The following SH2D4B variants were observed in gnomAD, a reference collection of about 807,000 sequenced individuals.
SH2D4B encodes the protein SH2 domain-containing protein 4B.
SH2D4B carries 45 observed loss-of-function variants against 61.5 expected under a neutral mutation model. The ratio of observed to expected loss-of-function variants is 0.73; its 90% CI spans 0.58 to 0.94. The LOEUF is 0.94. Ranked by LOEUF, SH2D4B falls within the 40% of genes least tolerant of loss-of-function variation. The pLI is 0.00. For missense variants in SH2D4B, 572 were observed against 574.2 expected (o/e 1.00, Z 0.04); for synonymous variants, 224 against 220.4 (o/e 1.02, Z -0.14).
At chr10:80,620,555 G>A (rs1445875461) in intron 6 of SH2D4B, among the ~76,000 whole-genome samples, 1 of 152,224 alleles carries the variant, frequency 6.6e-6, no homozygotes, top group Non-Finnish European at 1.5e-5. Context: ...GATGTGGGTT[G>A]TACCTGGGGA....
chr10:80,616,292 T>C (rs1275125291), intron 6 of SH2D4B, among the ~76,000 whole-genome samples: 1 of 152,220 alleles, frequency 6.6e-6, no homozygotes, highest in Non-Finnish European at 1.5e-5. Context: ...GGAAATTTTC[T>C]ACCAACTCTG....
In SH2D4B at chr10:80,609,412, C is replaced by G. The variant is rs752285695; in HGVS notation, c.861-12C>G. On this transcript the variant is annotated splice_polypyrimidine_tract_variant and intron_variant, in intron 5 of 7. Coordinates refer to ENST00000646907, the MANE Select transcript of SH2D4B (RefSeq NM_001388272.1). ...CTGACTCTTCTGCCCTCCCCACTTT[C>G]TTTCTCTTCAGCAGGACCTGGGAGC... is the stretch of plus-strand genomic sequence containing the variant. 1 of 1,609,126 alleles carries G rather than the reference C, an allele frequency of 6.2e-7. No individual in the cohort carries two copies. The highest frequency in any genetic ancestry group is 1.1e-5 in the South Asian group (1 of 90,890).
chr10:80,609,325 C>G (rs1842563385), intron 5 of SH2D4B, 99 bp from the exon 6 acceptor site: 1 of 1,290,892 alleles, frequency 7.7e-7, no homozygotes, highest in Non-Finnish European at 1.0e-6. Context: ...CTCCTTTTAC[C>G]TTCCTCTCCC....
intron 3 of SH2D4B, among the ~76,000 whole-genome samples, chr10:80,585,993 C>G (rs562768077): frequency 6.6e-6 from 1 of 152,156 alleles, no homozygotes; most frequent in Admixed American, 6.5e-5. Flanking sequence ...CCCGCCAGCC[C>G]GGGCAATGAG....
At position 80,603,689 on chromosome 10, in the gene SH2D4B, C is replaced by T. The variant is rs967276225; in HGVS notation, c.754C>T (p.Leu252Phe). ...RAIQKGTVAG[L>F]SSMFRELGQS... ...TATCCAGAAGGGCACGGTCGCTGGC[C>T]TCAGCTCCATGTTCCGGGAGCTTGG... The change falls in exon 5 of 8, where the codon CTC (leucine) becomes TTC (phenylalanine). Residue 252 changes from leucine to phenylalanine, a missense_variant. Transcript: ENST00000646907. The T allele has an allele frequency of 6.2e-6, 10 of 1,612,904 alleles. No individual in the cohort carries two copies. Among genetic ancestry groups the T allele is most frequent in the South Asian group, 1.1e-5 (1 of 90,802 alleles).
At chr10:80,591,445 A>G (rs938295326) in intron 4 of SH2D4B, among the ~76,000 whole-genome samples, 2 of 150,080 alleles carry the variant, frequency 1.3e-5, no homozygotes, top group African/African-American at 4.9e-5. Flanking sequence ...GACTCTTCAG[A>G]GTCCCGAGGC....
chr10:80,585,445 G>T (rs531040420), intron 3 of SH2D4B, among the ~76,000 whole-genome samples: 74 of 151,878 alleles, frequency 4.9e-4, no homozygotes, highest in Non-Finnish European at 8.8e-4. Context: ...CTCCCAAGTA[G>T]CTCGGATTAC....
At chr10:80,541,047 A>G (rs1841571979) in intron 1 of SH2D4B, 2 of 801,696 alleles carry the variant, frequency 2.5e-6, no homozygotes, top group Non-Finnish European at 4.2e-6. Context: ...AAGCGAAAGT[A>G]CACACTTGAG....
intron 1 of SH2D4B, among the ~76,000 whole-genome samples, chr10:80,556,292 T>C (rs1841836843): frequency 6.6e-6 from 1 of 152,256 alleles, no homozygotes. Flanking sequence ...TGATTGTGTA[T>C]GTCTACTCTT....
At position 80,604,294 on chromosome 10, in the gene SH2D4B, C is replaced by T. The variant is rs374448476; in HGVS notation, c.860+499C>T. Among the ~76,000 whole-genome samples the T allele has an allele frequency of 1.5e-4, 23 of 152,306 alleles. No homozygotes were observed. In the South Asian group the frequency reaches 3.1e-3, roughly 21 times the overall value. ...TTGGTTGCAGGCGGGTCCTCACACACATTTGTGTCCCCTGAGGGTTTGTTT... is the reference window on the plus strand; with the variant it reads ...TTGGTTGCAGGCGGGTCCTCACACATATTTGTGTCCCCTGAGGGTTTGTTT... On this transcript the variant is annotated intron_variant, in intron 5 of 7. Transcript: ENST00000646907.
chr10:80,580,644 C>G (rs992117018), intron 3 of SH2D4B, among the ~76,000 whole-genome samples: 3 of 152,130 alleles, frequency 2.0e-5, no homozygotes, highest in Non-Finnish European at 4.4e-5. Flanking sequence ...GTCCCCTTGG[C>G]CAAGAAAAGG....
chr10:80,556,520 A>G (rs535165353), intron 1 of SH2D4B, among the ~76,000 whole-genome samples: 2 of 152,322 alleles, frequency 1.3e-5, no homozygotes, highest in South Asian at 4.1e-4. Context: ...ATGAATTGGC[A>G]CATTAACACT....
At chr10:80,609,611 G>A (rs1842570893) in intron 6 of SH2D4B, 60 bp downstream of exon 6, 1 of 1,610,136 alleles carries the variant, frequency 6.2e-7, no homozygotes, top group South Asian at 1.1e-5. Flanking sequence ...CTCTCTCTGG[G>A]GTTGGGGAGG....
intron 3 of SH2D4B, among the ~76,000 whole-genome samples, chr10:80,583,391 G>A (rs551244838): frequency 1.1e-4 from 16 of 152,172 alleles, no homozygotes; most frequent in African/African-American, 2.2e-4. Flanking sequence ...AGATGGAGCC[G>A]GGCGCGGTGG....
At chr10:80,586,207 C>G (rs1347256952) in intron 3 of SH2D4B, among the ~76,000 whole-genome samples, 1 of 152,188 alleles carries the variant, frequency 6.6e-6, no homozygotes, top group Non-Finnish European at 1.5e-5. Context: ...AGCGCCGCCC[C>G]CTGCTCCATG....
intron 6 of SH2D4B, among the ~76,000 whole-genome samples, chr10:80,615,242 A>G (rs1842647820): frequency 6.6e-6 from 1 of 152,246 alleles, no homozygotes; most frequent in South Asian, 2.1e-4. Context: ...AATTACTGCA[A>G]GAGCTGGTCA....
At chr10:80,636,672 T>C (rs555969867) in intron 7 of SH2D4B, among the ~76,000 whole-genome samples, 45 of 152,350 alleles carry the variant, frequency 3.0e-4, no homozygotes, top group Non-Finnish European at 5.9e-4. Flanking sequence ...TAAATTTGTT[T>C]AAGTTCTCTG....
chr10:80,612,418 G>A (rs1426223131), intron 6 of SH2D4B, among the ~76,000 whole-genome samples: 1 of 151,988 alleles, frequency 6.6e-6, no homozygotes, highest in Non-Finnish European at 1.5e-5. Context: ...CTCAGCTGGG[G>A]CATCTCTGCA....
chr10:80,621,413 A>G (rs1169884497), intron 6 of SH2D4B, among the ~76,000 whole-genome samples: 1 of 152,248 alleles, frequency 6.6e-6, no homozygotes. Flanking sequence ...AAGTGATCTC[A>G]TCTTACTTTG....
Sources: allele counts gnomAD v4.1 joint callset (sites outside exome capture counted in the v4.1 genomes callset), GRCh38; gene constraint gnomAD v4.1.1; transcripts MANE v1.5; gene names NCBI Gene and HGNC (gene_info 2026-07-23, HGNC 2026-07-21).